ATRNL1: variants seen among roughly 807,000 people sequenced by gnomAD.
The protein encoded by ATRNL1 is attractin like 1, also known as attractin-like protein 1.
ATRNL1 carries 95 observed loss-of-function variants against 182.7 expected under a neutral mutation model. The observed-to-expected ratio is 0.52, with a 90% confidence interval of 0.44 to 0.62. The LOEUF is 0.62. ATRNL1 is among the 20% of genes least tolerant of loss of function. ATRNL1 has a pLI of 0.00. For synonymous variants in ATRNL1, 576 were observed against 568.3 expected (o/e 1.01, Z -0.19); for missense variants, 1,471 against 1,679.5 (o/e 0.88, Z 2.17).
chr10:115,899,129 C>T (rs1952283668), intron 28 of ATRNL1, among the ~76,000 whole-genome samples: 1 of 152,086 alleles, frequency 6.6e-6, no homozygotes, highest in South Asian at 2.1e-4. Context: ...ACGACAGGCC[C>T]TGGTGTGTGA....
intron 5 of ATRNL1, among the ~76,000 whole-genome samples, chr10:115,131,415 T>A (rs1262374845): frequency 2.0e-5 from 3 of 152,144 alleles, no homozygotes; most frequent in Admixed American, 2.0e-4. Context: ...AATGAGATAA[T>A]ATGGTGTTTT....
chr10:115,792,143 T>G (rs1555081922), intron 27 of ATRNL1, among the ~76,000 whole-genome samples: 2 of 152,164 alleles, frequency 1.3e-5, no homozygotes, highest in African/African-American at 4.8e-5. Context: ...ACAATCAAAA[T>G]GAGTAATCAG....
chr10:115,617,839 GACTT>G (rs1241426179), intron 26 of ATRNL1, among the ~76,000 whole-genome samples: 1 of 152,148 alleles, frequency 6.6e-6, no homozygotes, highest in Non-Finnish European at 1.5e-5. Flanking sequence ...GCCTGGGGTG[GACTT>G]ACTTTGTTTG....
intron 27 of ATRNL1, among the ~76,000 whole-genome samples, chr10:115,817,877 G>GTTTTTTT (rs35087740): frequency 1.5e-5 from 2 of 133,876 alleles, no homozygotes; most frequent in African/African-American, 2.8e-5. Flanking sequence ...TTTACGTTGT[G>GTTTTTTT]TTTTTTTTTT....
chr10:115,875,947 G>C (rs1361186829), intron 28 of ATRNL1, among the ~76,000 whole-genome samples: 5 of 152,120 alleles, frequency 3.3e-5, no homozygotes, highest in Non-Finnish European at 7.4e-5. Flanking sequence ...GAATTAGCCA[G>C]GCAAAGACTA....
At chr10:115,511,207 TATTA>T (rs1157820735) in intron 24 of ATRNL1, among the ~76,000 whole-genome samples, 9 of 152,024 alleles carry the variant, frequency 5.9e-5, no homozygotes, top group Non-Finnish European at 1.3e-4. Flanking sequence ...ATTATTATTG[TATTA>T]ATTATCTGTT....
intron 19 of ATRNL1, among the ~76,000 whole-genome samples, chr10:115,373,954 C>T (rs564205170): frequency 1.3e-5 from 2 of 151,938 alleles, no homozygotes; most frequent in African/African-American, 4.8e-5. Flanking sequence ...ATTTATTCTT[C>T]TTTAAACATT....
Position 115,315,747 on chromosome 10 carries a change from T to G in ATRNL1, c.3037+11T>G. The G allele has an allele frequency of 1.2e-6, 2 of 1,600,698 alleles. No homozygotes were observed. On this transcript the variant is annotated intron_variant, in intron 18 of 28. Transcript: ENST00000355044. ...TTATCCAGTGTCCAGGTAATAATAATGTAATGGAAACAATTTCAGTTTCTG... is the reference window on the plus strand; with the variant it reads ...TTATCCAGTGTCCAGGTAATAATAAGGTAATGGAAACAATTTCAGTTTCTG...
At chr10:115,521,054 G>C (rs2133705991) in intron 25 of ATRNL1, among the ~76,000 whole-genome samples, 1 of 152,176 alleles carries the variant, frequency 6.6e-6, no homozygotes, top group East Asian at 1.9e-4. Context: ...TGAATTTTAA[G>C]GCTATTAACA....
chr10:115,445,430 CAAAAAAAAAAAAAAAA>C (rs34068379), intron 21 of ATRNL1, among the ~76,000 whole-genome samples: 9 of 26,120 alleles, frequency 3.4e-4, no homozygotes, highest in Admixed American at 9.4e-4. Context: ...GATTTCGCCT[CAAAAAAAAAAAAAAAA>C]AAAAAAAAAA....
At chr10:115,288,025 A>G (rs1229152015) in intron 15 of ATRNL1, among the ~76,000 whole-genome samples, 7 of 146,188 alleles carry the variant, frequency 4.8e-5, no homozygotes, top group African/African-American at 1.8e-4. Context: ...AATGTCCTCC[A>G]CTTCCATCCA....
At chr10:115,621,992 C>G (rs529757264) in intron 26 of ATRNL1, among the ~76,000 whole-genome samples, 55 of 152,254 alleles carry the variant, frequency 3.6e-4, no homozygotes, top group Non-Finnish European at 6.5e-4. Context: ...TCACCAGACA[C>G]TAAAGGTGAG....
At chr10:115,382,770 G>A (rs1858096824) in intron 19 of ATRNL1, among the ~76,000 whole-genome samples, 1 of 150,784 alleles carries the variant, frequency 6.6e-6, no homozygotes, top group Non-Finnish European at 1.5e-5. Flanking sequence ...GGCAAGAGCA[G>A]GCATCCATGT....
intron 19 of ATRNL1, among the ~76,000 whole-genome samples, chr10:115,368,704 A>G (rs1381875439): frequency 6.7e-6 from 1 of 150,010 alleles, no homozygotes; most frequent in African/African-American, 2.5e-5. Context: ...CTGCTTTTGT[A>G]TATTCGATTC....
intron 21 of ATRNL1, among the ~76,000 whole-genome samples, chr10:115,444,802 GC>G (rs1846875943): frequency 6.6e-6 from 1 of 151,916 alleles, no homozygotes; most frequent in African/African-American, 2.4e-5. Context: ...TGCCATCTTG[GC>G]TCATTGCAAC....
At chr10:115,304,080 C>T (rs1241367070) in intron 17 of ATRNL1, among the ~76,000 whole-genome samples, 1 of 152,062 alleles carries the variant, frequency 6.6e-6, no homozygotes, top group Non-Finnish European at 1.5e-5. Flanking sequence ...TTGCATCAGT[C>T]CACTGGTTTC....
chr10:115,518,315 T>C (rs1318350917), intron 24 of ATRNL1, among the ~76,000 whole-genome samples: 1 of 152,026 alleles, frequency 6.6e-6, no homozygotes. Flanking sequence ...TTTTAGTCCA[T>C]TTTCAGTAGA....
intron 8 of ATRNL1, among the ~76,000 whole-genome samples, chr10:115,209,022 C>T (rs1848912722): frequency 6.6e-6 from 1 of 151,538 alleles, no homozygotes; most frequent in Admixed American, 6.6e-5. Context: ...GAAGCAAAAA[C>T]TACTATAAAA....
chr10:115,380,324 G>A (rs1857927047), intron 19 of ATRNL1, among the ~76,000 whole-genome samples: 1 of 152,024 alleles, frequency 6.6e-6, no homozygotes, highest in African/African-American at 2.4e-5. Context: ...TCATAATACG[G>A]CAAGTACTGA....
Sources: gnomAD v4.1 joint callset for allele counts (sites outside exome capture counted in the v4.1 genomes callset) on GRCh38, gnomAD v4.1.1 for gene constraint, MANE v1.5 for transcripts, NCBI Gene and HGNC (gene_info 2026-07-23, HGNC 2026-07-21) for gene names.